Variants in CELSR3 observed in about 807,000 individuals in gnomAD.
The protein encoded by CELSR3 is cadherin EGF LAG seven-pass G-type receptor 3.
A neutral mutation model predicts 270.0 loss-of-function variants in CELSR3; 73 were observed. The observed-to-expected ratio is 0.27, with a 90% CI of 0.22 to 0.33. The LOEUF is 0.33. CELSR3 is among the 10% of genes least tolerant of loss of function. The probability of loss-of-function intolerance (pLI) is 1.00; values close to 1 mark genes in which losing one functional copy is unlikely to be tolerated. For synonymous variants in CELSR3, 1,780 were observed against 1,905.4 expected (o/e 0.93, Z 1.71); for missense variants, 3,614 against 4,533.8 (o/e 0.80, Z 5.83).
Position 48,659,670 on chromosome 3 carries a change from C to G in CELSR3, c.2965G>C (p.Asp989His). The G allele has an allele frequency of 6.2e-7, 1 of 1,614,216 alleles. No homozygotes were observed. Among genetic ancestry groups the G allele is most frequent in the South Asian group, 1.1e-5 (1 of 91,088 alleles). ...SVLQISATDRDAHANGRVQYT... is the reference protein window; with the variant it reads ...SVLQISATDRHAHANGRVQYT... ...TGGACCCGGCCATTGGCATGAGCAT[C>G]CCGGTCAGTGGCTGAGATCTGCAGG... The change falls in exon 1 of 35, where the codon GAT becomes CAT. Residue 989 changes from aspartate (D) to histidine (H), a missense_variant. Physicochemically the swap from Asp to His is moderately conservative, Grantham distance 81. This residue lies in a region of CELSR3 where 1,331 missense variants were observed against 1,933.7 expected (regional missense o/e 0.69). Transcript: ENST00000164024. The surrounding 1 kb of genome is among the most constrained non-coding windows in gnomAD (Gnocchi z 8.1).
rs1575539424 is a variant in CELSR3, at chr3:48,644,419, A to G, written c.8086-124T>C. 1.2e-5 allele frequency: 10 copies of G among 832,798 alleles called. No individual in the cohort carries two copies. Among genetic ancestry groups the G allele is most frequent in the Middle Eastern group, 3.1e-4 (1 of 3,194 alleles). The allele number at this position is 832,798 out of a possible 1,614,324, so 51.6% of individuals were successfully genotyped here. ...GGCAGAACCAGTGAGAAATTCACAC[A>G]TATACACACACACCAAAGGAGCTTA... On this transcript the variant is annotated intron_variant, in intron 26 of 34. Transcript: ENST00000164024. This position sits in a 1 kb window ranked among gnomAD's most constrained non-coding sequence, Gnocchi z 4.8.
At position 48,642,897 on chromosome 3, in the gene CELSR3, G is replaced by A; in HGVS notation, c.8407-13C>T. On this transcript the variant is annotated splice_polypyrimidine_tract_variant and intron_variant, in intron 29 of 34. Transcript: ENST00000164024. The surrounding 1 kb of genome is among the most constrained non-coding windows in gnomAD (Gnocchi z 6.1). ...AGGCCCCAGGTCCCTGGGGGTGGTA[G>A]GGACAGAGTGTGAGCTAACCCTGAA... 6.2e-7 allele frequency: 1 copy of A among 1,612,582 alleles called. No homozygotes were observed. Among genetic ancestry groups the A allele is most frequent in the East Asian group, 2.2e-5 (1 of 44,880 alleles).
Position 48,644,803 on chromosome 3 carries a change from C to T in CELSR3, c.7998G>A (p.Glu2666=), listed in dbSNP as rs1211801367. The T allele has an allele frequency of 6.2e-7, 1 of 1,613,418 alleles. No homozygotes were observed. The highest frequency in any genetic ancestry group is 1.1e-5 in the South Asian group (1 of 91,068). The change falls in exon 26 of 35, where the codon GAG becomes GAA. Residue 2666 remains glutamate (E), a synonymous_variant. Transcript: ENST00000164024. The surrounding 1 kb of genome is among the most constrained non-coding windows in gnomAD (Gnocchi z 4.8). ...LLGLAVGLDP[E]GYGNPDFCWI... ...AGCAGAAGTCAGGGTTCCCATAGCC[C>T]TCAGGGTCCAGGCCCACAGCAAGGC...
Position 48,644,808 on chromosome 3 carries a change from G to C in CELSR3, c.7993C>G (p.Pro2665Ala). 1.2e-6 allele frequency: 2 copies of C among 1,613,368 alleles called. No individual in the cohort carries two copies. The highest frequency in any genetic ancestry group is 1.7e-6 in the Non-Finnish European group (2 of 1,179,926). ...AAGTCAGGGTTCCCATAGCCCTCAGGGTCCAGGCCCACAGCAAGGCCTTGG... is the reference window on the plus strand; with the variant it reads ...AAGTCAGGGTTCCCATAGCCCTCAGCGTCCAGGCCCACAGCAAGGCCTTGG... ...VLLGLAVGLD[P>A]EGYGNPDFCW... The change falls in exon 26 of 35, where the codon CCT becomes GCT. Residue 2665 changes from proline (P) to alanine (A), a missense_variant. Pro to Ala is a conservative substitution (Grantham distance 27, BLOSUM62 -1). Transcript: ENST00000164024. This position sits in a 1 kb window ranked among gnomAD's most constrained non-coding sequence, Gnocchi z 4.8.
chr3:48,642,539 G>C lies in CELSR3; in HGVS notation c.8556-72C>G. The C allele has an allele frequency of 1.3e-6, 2 of 1,512,114 alleles. No individual in the cohort carries two copies. Among genetic ancestry groups the C allele is most frequent in the Non-Finnish European group, 1.8e-6 (2 of 1,110,622 alleles). 93.7% of individuals were successfully genotyped at this position (1,512,114 alleles called of 1,614,324 possible). On this transcript the variant is annotated intron_variant, in intron 30 of 34. Transcript: ENST00000164024. The surrounding 1 kb of genome is among the most constrained non-coding windows in gnomAD (Gnocchi z 6.1). The stretch of plus-strand genomic sequence containing the variant: ...GTGCCTTGGAGGCTGGAGTGTCTTT[G>C]AGTGCACAGCCAGCTGCGGGTGGAA...
At position 48,645,877 on chromosome 3, in the gene CELSR3, A is replaced by G. The variant is rs183306917; in HGVS notation, c.7464-9T>C. ...CACCATGCTGCTCCGCCCTGCAGCC[A>G]CAGGGCAGTTAGACACAACTGTGAC... On this transcript the variant is annotated splice_polypyrimidine_tract_variant and intron_variant, in intron 22 of 34. Transcript: ENST00000164024. The surrounding 1 kb of genome is among the most constrained non-coding windows in gnomAD (Gnocchi z 5.4). The G allele has an allele frequency of 5.5e-5, 88 of 1,591,986 alleles. No individual in the cohort carries two copies. The highest frequency in any genetic ancestry group is 7.5e-5 in the Non-Finnish European group (87 of 1,166,284).
Position 48,659,032 on chromosome 3 carries a change from A to G in CELSR3, c.3603T>C (p.Asp1201=). The change falls in exon 1 of 35, where the codon GAT becomes GAC. Residue 1201 remains aspartate, a synonymous_variant. Coordinates refer to ENST00000164024, the MANE Select transcript of CELSR3 (RefSeq NM_001407.3). The surrounding 1 kb of genome is among the most constrained non-coding windows in gnomAD (Gnocchi z 8.1). Reference sequence around the variant, plus strand: ...AGGAGTAGAAGAGGTGGTCGGAGACATCGGGGTCATAAGCTGGGATGCGCC... The same window carrying G: ...AGGAGTAGAAGAGGTGGTCGGAGACGTCGGGGTCATAAGCTGGGATGCGCC... The part of the protein sequence containing the change: ...IIGRIPAYDP[D]VSDHLFYSFE... 1 of 1,614,224 alleles carries G rather than the reference A, an allele frequency of 6.2e-7. No homozygotes were observed. The highest frequency in any genetic ancestry group is 8.5e-7 in the Non-Finnish European group (1 of 1,180,040).
Position 48,645,490 on chromosome 3 carries a change from C to A in CELSR3, c.7750G>T (p.Val2584Leu). The change falls in exon 24 of 35, where the codon GTG becomes TTG. Residue 2584 changes from valine to leucine, a missense_variant. Physicochemically the swap from Val to Leu is conservative, Grantham distance 32 (BLOSUM62 1). Around this residue, in one of 7 missense-constraint regions of CELSR3, gnomAD observed 1,240 missense variants for 1,351.7 expected, o/e 0.92. Transcript: ENST00000164024. The surrounding 1 kb of genome is among the most constrained non-coding windows in gnomAD (Gnocchi z 5.4). ...IHANVAAALG[V>L]AELLFLLGIH... ...CCCAGCAGGAAGAGGAGCTCTGCCA[C>A]CCCCAGGGCGGCTGCCACATTGGCA... 2 of 1,612,828 alleles carry A rather than the reference C, an allele frequency of 1.2e-6. No homozygotes were observed. Among genetic ancestry groups the A allele is most frequent in the African/African-American group, 1.3e-5 (1 of 75,048 alleles).
chr3:48,647,743 G>T, intron 20 of CELSR3, 98 bp downstream of exon 20: 1 of 1,218,542 alleles, frequency 8.2e-7, no homozygotes, highest in Non-Finnish European at 1.2e-6. Flanking sequence ...ACACTGGGGA[G>T]GTCTAGAAAG....
Position 48,659,059 on chromosome 3 carries a change from A to G in CELSR3, c.3576T>C (p.Ile1192=). The G allele has an allele frequency of 6.2e-7, 1 of 1,614,206 alleles. No homozygotes were observed. Among genetic ancestry groups the G allele is most frequent in the Non-Finnish European group, 8.5e-7 (1 of 1,180,044 alleles). ...CGGGGTCATAAGCTGGGATGCGCCCAATAATGCCCGACGGGAAGGTGTCTG... is the reference window on the plus strand; with the variant it reads ...CGGGGTCATAAGCTGGGATGCGCCCGATAATGCCCGACGGGAAGGTGTCTG... ...NRSDTFPSGI[I]GRIPAYDPDV... The change falls in exon 1 of 35, where the codon ATT becomes ATC. Residue 1192 remains isoleucine (I), a synonymous_variant. Coordinates refer to ENST00000164024, the MANE Select transcript of CELSR3 (RefSeq NM_001407.3). This position sits in a 1 kb window ranked among gnomAD's most constrained non-coding sequence, Gnocchi z 8.1.
rs1416212940 is a variant in CELSR3 at position 48,656,371 on chromosome 3, G to T, written c.4400-6C>A. 7.1e-7 allele frequency: 1 copy of T among 1,407,646 alleles called. No homozygotes were observed. The highest frequency in any genetic ancestry group is 3.5e-5 in the Admixed American group (1 of 28,610). The allele number at this position is 1,407,646 out of a possible 1,614,324, so 87.2% of individuals were successfully genotyped here. ...GTCCAGCTCGCAGTCCTCTCCTGGG[G>T]GCCAAGCCGCGGTCAGAGGCGGTCA... On this transcript the variant is annotated splice_polypyrimidine_tract_variant and splice_region_variant and intron_variant, in intron 2 of 34. Coordinates refer to ENST00000164024, the MANE Select transcript of CELSR3 (RefSeq NM_001407.3).
In CELSR3 at chr3:48,654,240, A is replaced by C. The variant is rs761650412; in HGVS notation, c.5152+49T>G. On this transcript the variant is annotated intron_variant, in intron 7 of 34. Transcript: ENST00000164024. This position sits in a 1 kb window ranked among gnomAD's most constrained non-coding sequence, Gnocchi z 5.4. ...GTATGGAGTCCTCCACTTCCTCCCT[A>C]TGATGGGGACAGGGCCATGGGCTAG... 1 of 1,608,206 alleles carries C rather than the reference A, an allele frequency of 6.2e-7. No homozygotes were observed. The highest frequency in any genetic ancestry group is 2.2e-5 in the East Asian group (1 of 44,720).
In CELSR3 at chr3:48,654,311, G is replaced by T; in HGVS notation, c.5130C>A (p.Val1710=). Residue 1710 remains valine (V), a synonymous_variant, in exon 7 of 35, where the codon GTC becomes GTA. Coordinates refer to ENST00000164024, the MANE Select transcript of CELSR3 (RefSeq NM_001407.3). The surrounding 1 kb of genome is among the most constrained non-coding windows in gnomAD (Gnocchi z 5.4). ...TACCTGCCATGGTGCCATTATTTGC[G>T]ACAAAAGCCGCCATGTCCACTCGGC... The part of the protein sequence containing the change: ...DGRRVDMAAF[V]ANNGTMAGCQ... 6.2e-7 allele frequency: 1 copy of T among 1,613,778 alleles called. No homozygotes were observed. Among genetic ancestry groups the T allele is most frequent in the Non-Finnish European group, 8.5e-7 (1 of 1,180,026 alleles).
Position 48,647,830 on chromosome 3 carries a change from G to A in CELSR3, c.7129+11C>T. ...CAGGACTTGGCCCAGGGGTCCCCTA[G>A]GGGCTCTCACCTTCAGATGGGGATG... is the stretch of plus-strand genomic sequence containing the variant. On this transcript the variant is annotated intron_variant, in intron 20 of 34. Transcript: ENST00000164024. 1 of 1,606,900 alleles carries A rather than the reference G, an allele frequency of 6.2e-7. No homozygotes were observed. Among genetic ancestry groups the A allele is most frequent in the Non-Finnish European group, 8.5e-7 (1 of 1,178,962 alleles).
At position 48,656,839 on chromosome 3, in the gene CELSR3, G is replaced by C; in HGVS notation, c.4258C>G (p.Arg1420Gly). ...GTGAATCCGGGCGGGCAGCGGCAGC[G>C]CAGGCCAGCGATGGGCTGGATGGGT... is the stretch of plus-strand genomic sequence containing the variant. ...FRPIQPIAGL[R>G]CRCPPGFTGD... is the part of the protein sequence containing the mutation. The change falls in exon 2 of 35, where the codon CGC becomes GGC. Residue 1420 changes from arginine to glycine, a missense_variant. Physicochemically the swap from Arg to Gly is moderately radical, Grantham distance 125. This residue lies in a region of CELSR3 where 1,331 missense variants were observed against 1,933.7 expected (regional missense o/e 0.69). Coordinates refer to ENST00000164024, the MANE Select transcript of CELSR3 (RefSeq NM_001407.3). 1 of 1,608,150 alleles carries C rather than the reference G, an allele frequency of 6.2e-7. No individual in the cohort carries two copies. Among genetic ancestry groups the C allele is most frequent in the Non-Finnish European group, 8.5e-7 (1 of 1,177,140 alleles).
Position 48,662,491 on chromosome 3 carries a change from G to A in CELSR3, c.144C>T (p.Ala48=). ...CGATATGCGCCCTTGGCCCCGTAGT[G>A]GCAGCTAAGCCTGGGTCCCAGCCCT... ...GHQGWDPGLA[A]TTGPRAHIGG... Residue 48 remains alanine, a synonymous_variant, in exon 1 of 35, where the codon GCC becomes GCT. Coordinates refer to ENST00000164024, the MANE Select transcript of CELSR3 (RefSeq NM_001407.3). This position sits in a 1 kb window ranked among gnomAD's most constrained non-coding sequence, Gnocchi z 7.1. 1.2e-6 allele frequency: 2 copies of A among 1,612,634 alleles called. No homozygotes were observed. The highest frequency in any genetic ancestry group is 2.2e-5 in the South Asian group (2 of 91,040).
Position 48,646,361 on chromosome 3 carries a change from TG to T in CELSR3, c.7296-105del. ...CACTCGCCAGGGCTGACCCAGGGTC[TG>T]GGATGTCCCCAGAGTGGAAGCTGTT... On this transcript the variant is annotated intron_variant, in intron 21 of 34. Coordinates refer to ENST00000164024, the MANE Select transcript of CELSR3 (RefSeq NM_001407.3). This position sits in a 1 kb window ranked among gnomAD's most constrained non-coding sequence, Gnocchi z 4.8. The T allele has an allele frequency of 8.0e-7, 1 of 1,255,144 alleles. No individual in the cohort carries two copies. Among genetic ancestry groups the T allele is most frequent in the South Asian group, 1.5e-5 (1 of 66,124 alleles). The allele number at this position is 1,255,144 out of a possible 1,614,324, so 77.8% of individuals were successfully genotyped here. A position where few individuals can be genotyped will look rare whatever the true frequency, so the allele number is the denominator to read the frequency against.
In CELSR3 at chr3:48,642,380, C is replaced by T. The variant is rs2047035447; in HGVS notation, c.8643G>A (p.Val2881=). ...CACCAGCATCTCGATGGAACATGGC[C>T]ACGTCCAGGTCAGTGGGGCCAGCAT... ...QAHAGPTDLD[V]AMFHRDAGAD... Residue 2881 remains valine, a synonymous_variant, in exon 31 of 35, where the codon GTG becomes GTA. Transcript: ENST00000164024. This position sits in a 1 kb window ranked among gnomAD's most constrained non-coding sequence, Gnocchi z 6.1. 1 of 1,613,132 alleles carries T rather than the reference C, an allele frequency of 6.2e-7. No homozygotes were observed. The highest frequency in any genetic ancestry group is 1.3e-5 in the African/African-American group (1 of 75,032).
chr3:48,644,083 G>A lies in CELSR3; in HGVS notation c.8165+133C>T, dbSNP rs2047055572. On this transcript the variant is annotated intron_variant, in intron 27 of 34. Transcript: ENST00000164024. This position sits in a 1 kb window ranked among gnomAD's most constrained non-coding sequence, Gnocchi z 4.8. ...CGCCAGAGAGGGACCACAGGTCAGG[G>A]CAGGTGTGACTTCATTCCTTCATCT... The A allele has an allele frequency of 1.4e-6, 1 of 701,994 alleles. No individual in the cohort carries two copies. Among genetic ancestry groups the A allele is most frequent in the East Asian group, 2.7e-5 (1 of 37,408 alleles). The allele number at this position is 701,994 out of a possible 1,614,324, so 43.5% of individuals were successfully genotyped here. A position where few individuals can be genotyped will look rare whatever the true frequency, so the allele number is the denominator to read the frequency against.
Sources: allele counts gnomAD v4.1 joint callset, GRCh38; gene constraint gnomAD v4.1.1; regional missense constraint gnomAD v4.1.1; non-coding constraint Gnocchi (gnomAD v3.1); transcripts MANE v1.5; gene names NCBI Gene and HGNC (gene_info 2026-07-23, HGNC 2026-07-21).